Variants in OR9Q1 observed in about 807,000 individuals in gnomAD.
The protein encoded by OR9Q1 is olfactory receptor family 9 subfamily Q member 1, also known as olfactory receptor 9Q1.
For synonymous variants in OR9Q1, 153 were observed against 148.6 expected (o/e 1.03, Z -0.22); for missense variants, 374 against 378.8 (o/e 0.99, Z 0.11).
intron 1 of OR9Q1, among the ~76,000 whole-genome samples, chr11:58,037,852 G>A (rs1488008404): frequency 1.4e-5 from 2 of 144,384 alleles, no homozygotes; most frequent in Non-Finnish European, 3.0e-5. Flanking sequence ...CCGAGTAGCT[G>A]GGACTACAGG....
chr11:58,092,255 GT>G (rs1255879686), intron 2 of OR9Q1, among the ~76,000 whole-genome samples: 1 of 151,632 alleles, frequency 6.6e-6, no homozygotes, highest in Non-Finnish European at 1.5e-5. Context: ...ATTTTTGTGT[GT>G]TTTTTAGAGC....
At chr11:58,092,494 T>C (rs992736375) in intron 2 of OR9Q1, among the ~76,000 whole-genome samples, 2 of 152,126 alleles carry the variant, frequency 1.3e-5, no homozygotes, top group Non-Finnish European at 2.9e-5. Context: ...TGATTGTTGC[T>C]ATCAACTATT....
chr11:58,108,162 C>T (rs537725125), intron 2 of OR9Q1, among the ~76,000 whole-genome samples: 1 of 152,136 alleles, frequency 6.6e-6, no homozygotes, highest in Non-Finnish European at 1.5e-5. Flanking sequence ...CACCCTTTCC[C>T]TATCTATTCT....
At chr11:58,088,706 G>T (rs1853656321) in intron 2 of OR9Q1, among the ~76,000 whole-genome samples, 1 of 151,646 alleles carries the variant, frequency 6.6e-6, no homozygotes, top group Admixed American at 6.6e-5. Context: ...TATGTTCCTT[G>T]TGGATTCTGG....
intron 2 of OR9Q1, among the ~76,000 whole-genome samples, chr11:58,065,944 CA>C (rs1853424924): frequency 6.6e-6 from 1 of 152,130 alleles, no homozygotes; most frequent in African/African-American, 2.4e-5. Context: ...TGGCTTCCAC[CA>C]ACTTACTTCT....
Position 58,180,298 on chromosome 11 carries a change from A to G in OR9Q1, c.854A>G (p.Asn285Ser), listed in dbSNP as rs778639079. Residue 285 changes from asparagine (N) to serine (S), a missense_variant, in exon 3 of 3, where the codon AAT (asparagine) becomes AGT (serine). Coordinates refer to ENST00000335397, the MANE Select transcript of OR9Q1 (RefSeq NM_001005212.4). ...VLYTEVIPML[N>S]PLIYSLRNKE... ...TACACAGAGGTCATCCCCATGTTGA[A>G]TCCCCTCATCTACAGCCTGAGGAAC... is the stretch of plus-strand genomic sequence containing the variant. The G allele has an allele frequency of 6.2e-7, 1 of 1,613,718 alleles. No homozygotes were observed. The highest frequency in any genetic ancestry group is 1.1e-5 in the South Asian group (1 of 91,048).
intron 2 of OR9Q1, among the ~76,000 whole-genome samples, chr11:58,112,757 G>T (rs1291009572): frequency 6.6e-6 from 1 of 152,078 alleles, no homozygotes; most frequent in East Asian, 1.9e-4. Flanking sequence ...GTTAGTTTCT[G>T]TGCCCATATA....
intron 1 of OR9Q1, among the ~76,000 whole-genome samples, chr11:58,042,538 G>A (rs912302715): frequency 6.6e-6 from 1 of 150,962 alleles, no homozygotes; most frequent in African/African-American, 2.4e-5. Context: ...ATGCTGTTTT[G>A]GTGACTGTAG....
At chr11:58,117,586 C>T (rs1853969337) in intron 2 of OR9Q1, 1 of 152,060 alleles carries the variant, frequency 6.6e-6, no homozygotes, top group Non-Finnish European at 1.5e-5. Flanking sequence ...TGATTACTTC[C>T]CCTCTCACCA....
intron 2 of OR9Q1, among the ~76,000 whole-genome samples, chr11:58,108,565 C>T (rs140550388): frequency 3.9e-5 from 6 of 152,228 alleles, no homozygotes; most frequent in East Asian, 1.9e-4. Context: ...TTGCATTTTC[C>T]TCTACAGGAC....
intron 2 of OR9Q1, among the ~76,000 whole-genome samples, chr11:58,137,235 C>G (rs919077896): frequency 1.3e-5 from 2 of 152,076 alleles, no homozygotes; most frequent in Non-Finnish European, 2.9e-5. Context: ...AAGATTTGGG[C>G]AAAGGGAAAG....
chr11:58,107,358 G>A (rs1482209023), intron 2 of OR9Q1, among the ~76,000 whole-genome samples: 6 of 152,090 alleles, frequency 3.9e-5, no homozygotes, highest in African/African-American at 9.7e-5. Flanking sequence ...GAGAACATGC[G>A]GTGTTTGGTT....
At chr11:58,154,167 G>A (rs1590618870) in intron 2 of OR9Q1, among the ~76,000 whole-genome samples, 1 of 58,980 alleles carries the variant, frequency 1.7e-5, no homozygotes, top group Non-Finnish European at 4.2e-5. Context: ...AGAAGGAGGA[G>A]GAGAAGGAGG....
chr11:58,118,411 G>A, intron 2 of OR9Q1: 2 of 812,970 alleles, frequency 2.5e-6, no homozygotes, highest in South Asian at 3.6e-5. Context: ...TCTGTTTGTG[G>A]GTATAGGTTG....
intron 2 of OR9Q1, chr11:58,118,328 G>A: frequency 3.6e-6 from 2 of 561,054 alleles, no homozygotes; most frequent in East Asian, 5.6e-5. Context: ...AAAGAACATG[G>A]AATTGCTGGA....
chr11:58,154,156 GAGA>G (rs1854382194), intron 2 of OR9Q1, among the ~76,000 whole-genome samples: 1 of 146,430 alleles, frequency 6.8e-6, no homozygotes, highest in Non-Finnish European at 1.5e-5. Flanking sequence ...GGAGGAAGAG[GAGA>G]AGGAGGAGGA....
chr11:58,053,618 T>A (rs1422012749), intron 1 of OR9Q1, among the ~76,000 whole-genome samples: 4 of 43,580 alleles, frequency 9.2e-5, no homozygotes, highest in African/African-American at 3.3e-4. Context: ...AAAAAATATA[T>A]ATATATATAA....
chr11:58,094,828 T>A (rs955701847), intron 2 of OR9Q1, among the ~76,000 whole-genome samples: 1 of 152,180 alleles, frequency 6.6e-6, no homozygotes, highest in African/African-American at 2.4e-5. Flanking sequence ...CCTGCTATAG[T>A]TGTGTTTTAA....
In OR9Q1 at chr11:58,067,062, C is replaced by T. The variant is rs189998515; in HGVS notation, c.-15+11115C>T. Among the ~76,000 whole-genome samples the T allele has an allele frequency of 5.3e-5, 8 of 150,110 alleles. No homozygotes were observed. In the East Asian group the frequency reaches 5.9e-4, roughly 11 times the overall value. On this transcript the variant is annotated intron_variant, in intron 2 of 2. Transcript: ENST00000335397. ...TTTTTTTTTTTTTGAGACAGAGTCT[C>T]GTTCTGTCGCCCAGGCTGGAGTGCA...
Sources: gnomAD v4.1 joint callset for allele counts (sites outside exome capture counted in the v4.1 genomes callset) on GRCh38, gnomAD v4.1.1 for gene constraint, MANE v1.5 for transcripts, NCBI Gene and HGNC (gene_info 2026-07-23, HGNC 2026-07-21) for gene names.